RMDN3: variants seen among roughly 807,000 people sequenced by gnomAD.
The protein encoded by RMDN3 is regulator of microtubule dynamics protein 3.
A neutral mutation model predicts 61.8 loss-of-function variants in RMDN3; 41 were observed. That is an observed-to-expected ratio of 0.66 (90% confidence interval 0.52 to 0.86). The LOEUF is 0.86. Among genes scored for constraint, RMDN3 ranks in the 40% least tolerant of loss-of-function variants. The probability of loss-of-function intolerance (pLI) is 0.00; values close to 1 mark genes in which losing one functional copy is unlikely to be tolerated. For synonymous variants in RMDN3, 247 were observed against 232.0 expected, an observed-to-expected ratio of 1.06 and a Z score of -0.59; for missense variants, 557 against 585.3, an observed-to-expected ratio of 0.95 and a Z score of 0.50.
chr15:40,736,716 C>CT, intron 12 of RMDN3, 122 bp from the exon 13 acceptor site: 1 of 819,928 alleles, frequency 1.2e-6, no homozygotes, highest in East Asian at 2.5e-5. Context: ...CTTTTTCCTA[C>CT]TTCCCCAGGA....
chr15:40,752,269 A>G (rs1420789981), intron 2 of RMDN3, 91 bp from the exon 3 acceptor site: 12 of 1,338,846 alleles, frequency 9.0e-6, no homozygotes, highest in Non-Finnish European at 1.2e-5. Context: ...CCTGCTTTCC[A>G]TTGGAAGAGA....
intron 4 of RMDN3, among the ~76,000 whole-genome samples, chr15:40,745,540 A>AT (rs1037280909): frequency 1.4e-4 from 21 of 146,538 alleles, no homozygotes; most frequent in African/African-American, 4.8e-4. Context: ...ATTTTTTTGT[A>AT]TTTTTAGTAG....
At chr15:40,737,908 A>G in intron 9 of RMDN3, 57 bp downstream of exon 9, 1 of 1,582,786 alleles carries the variant, frequency 6.3e-7, no homozygotes, top group Non-Finnish European at 8.7e-7. Context: ...CCTGGCAAGG[A>G]AATCGGTGTC....
chr15:40,738,642 C>A, intron 7 of RMDN3, 66 bp from the exon 8 acceptor site: 4 of 1,489,860 alleles, frequency 2.7e-6, no homozygotes, highest in Non-Finnish European at 3.7e-6. Context: ...ATGGATGCCC[C>A]AACCACAGCC....
intron 7 of RMDN3, among the ~76,000 whole-genome samples, 163 bp downstream of exon 7, chr15:40,739,970 G>GTC (rs1165249586): frequency 6.6e-6 from 1 of 152,156 alleles, no homozygotes; most frequent in Non-Finnish European, 1.5e-5. Flanking sequence ...AACTTCCCTT[G>GTC]TCTCTGGCTA....
intron 6 of RMDN3, among the ~76,000 whole-genome samples, chr15:40,740,726 A>G (rs1897247141): frequency 6.6e-6 from 1 of 151,832 alleles, no homozygotes; most frequent in South Asian, 2.1e-4. Context: ...GTCATTAGAA[A>G]CCCCAGTTAC....
intron 2 of RMDN3, among the ~76,000 whole-genome samples, chr15:40,752,465 G>A (rs982151394): frequency 2.7e-5 from 4 of 150,168 alleles, no homozygotes; most frequent in Non-Finnish European, 5.9e-5. Context: ...GAACCTGAAG[G>A]AGGACAGCTG....
intron 4 of RMDN3, among the ~76,000 whole-genome samples, chr15:40,747,453 G>A (rs942472668): frequency 2.6e-5 from 4 of 152,164 alleles, no homozygotes; most frequent in African/African-American, 7.2e-5. Flanking sequence ...CCCACTTTAA[G>A]GAACCCTCAA....
chr15:40,748,107 T>C (rs1452906871), intron 4 of RMDN3, among the ~76,000 whole-genome samples: 1 of 152,214 alleles, frequency 6.6e-6, no homozygotes, highest in Non-Finnish European at 1.5e-5. Context: ...ACAGTGATTC[T>C]GCCTCTGCCA....
Position 40,754,733 on chromosome 15 carries a change from C to A in RMDN3, c.51G>T (p.Leu17Phe). Residue 17 changes from leucine (L) to phenylalanine (F), a missense_variant, in exon 2 of 13, where the codon TTG (leucine) becomes TTT (phenylalanine). Transcript: ENST00000338376. ...LGGARAGLGL[L>F]LGTAAGLGFL... is the part of the protein sequence containing the mutation. ...ATCCAAGGCCGGCGGCGGTACCCAG[C>A]AACAGTCCCAGCCCGGCACGGGCAC... 6.2e-7 allele frequency: 1 copy of A among 1,608,436 alleles called. No homozygotes were observed. Among genetic ancestry groups the A allele is most frequent in the Non-Finnish European group, 8.5e-7 (1 of 1,176,770 alleles).
chr15:40,745,497 C>CCA (rs1897499249), intron 4 of RMDN3, among the ~76,000 whole-genome samples: 2 of 150,548 alleles, frequency 1.3e-5, no homozygotes, highest in Non-Finnish European at 2.9e-5. Context: ...ACTCAAACCT[C>CCA]CACCTCCTGG....
intron 4 of RMDN3, chr15:40,747,898 T>G (rs1897642359): frequency 6.6e-6 from 1 of 152,182 alleles, no homozygotes; most frequent in Non-Finnish European, 1.5e-5. Flanking sequence ...GACCCTGACC[T>G]TGAGATAAGA....
In RMDN3 at chr15:40,755,111, A is replaced by C; in HGVS notation, c.-36T>G. 1.3e-5 allele frequency: 3 copies of C among 223,408 alleles called. No individual in the cohort carries two copies. Among genetic ancestry groups the C allele is most frequent in the Non-Finnish European group, 1.8e-5 (2 of 112,552 alleles). The allele number at this position is 223,408 out of a possible 1,614,324, so 13.8% of individuals were successfully genotyped here. A position where few individuals can be genotyped will look rare whatever the true frequency, so the allele number is the denominator to read the frequency against. On this transcript the variant is annotated 5_prime_UTR_variant, in exon 1 of 13. Coordinates refer to ENST00000338376, the MANE Select transcript of RMDN3 (RefSeq NM_018145.3). ...AGCCTCACGACACTGCAGACCACAAACCCGGCGCCCTGGCTGCAAACTCCT... is the reference window on the plus strand; with the variant it reads ...AGCCTCACGACACTGCAGACCACAACCCCGGCGCCCTGGCTGCAAACTCCT...
chr15:40,736,882 T>G (rs1451544426), intron 12 of RMDN3, among the ~76,000 whole-genome samples: 12 of 152,188 alleles, frequency 7.9e-5, no homozygotes, highest in Non-Finnish European at 1.8e-4. Flanking sequence ...AGATGGAGTT[T>G]TGCTCTTGTT....
Position 40,737,948 on chromosome 15 carries a change from A to C in RMDN3, c.1125+17T>G. 1 of 1,613,588 alleles carries C rather than the reference A, an allele frequency of 6.2e-7. No individual in the cohort carries two copies. Among genetic ancestry groups the C allele is most frequent in the Non-Finnish European group, 8.5e-7 (1 of 1,179,526 alleles). On this transcript the variant is annotated intron_variant, in intron 9 of 12. Transcript: ENST00000338376. ...GGCATTTAGGACCATTATGTCAAGCACTGAAACGCAGCTTACCTGATAGCA... is the reference window on the plus strand; with the variant it reads ...GGCATTTAGGACCATTATGTCAAGCCCTGAAACGCAGCTTACCTGATAGCA...
chr15:40,748,013 G>T (rs1370578746), intron 4 of RMDN3, among the ~76,000 whole-genome samples: 1 of 152,178 alleles, frequency 6.6e-6, no homozygotes, highest in African/African-American at 2.4e-5. Context: ...GGAGGAGCTG[G>T]TATTTTAGGG....
intron 6 of RMDN3, among the ~76,000 whole-genome samples, chr15:40,741,066 G>A (rs114294037): frequency 1.6e-3 from 228 of 143,974 alleles, no homozygotes; most frequent in African/African-American, 5.4e-3. Context: ...CCTGGGCGAC[G>A]AACTCCACCT....
intron 7 of RMDN3, 28 bp from the exon 8 acceptor site, chr15:40,738,604 C>T (rs1257835169): frequency 2.5e-6 from 4 of 1,612,534 alleles, no homozygotes. Context: ...AGCTCAGGGA[C>T]AAGGGCTGAG....
chr15:40,737,079 C>T lies in RMDN3; in HGVS notation c.1359+45G>A, dbSNP rs778324893. Reference sequence around the variant, plus strand: ...TGTTGGTCAGGCTGTCTCGAACTCCCGACTTCAGGTGATCTGCCCAACAGG... The same window carrying T: ...TGTTGGTCAGGCTGTCTCGAACTCCTGACTTCAGGTGATCTGCCCAACAGG... On this transcript the variant is annotated intron_variant, in intron 12 of 12. Coordinates refer to ENST00000338376, the MANE Select transcript of RMDN3 (RefSeq NM_018145.3). The T allele has an allele frequency of 3.8e-5, 58 of 1,515,100 alleles. 1 individual carries two copies. The Middle Eastern group carries it at 8.9e-4, about 23-fold the overall frequency. The allele number at this position is 1,515,100 out of a possible 1,614,324, so 93.9% of individuals were successfully genotyped here. A position where few individuals can be genotyped will look rare whatever the true frequency, so the allele number is the denominator to read the frequency against.
Sources: gnomAD v4.1 joint callset for allele counts (sites outside exome capture counted in the v4.1 genomes callset) on GRCh38, gnomAD v4.1.1 for gene constraint, MANE v1.5 for transcripts, NCBI Gene and HGNC (gene_info 2026-07-23, HGNC 2026-07-21) for gene names.